The following WASF2 variants were observed in gnomAD, a reference collection of about 807,000 sequenced individuals.
WASF2 encodes WASP family member 2, also known as actin-binding protein WASF2.
WASF2 carries 14 observed loss-of-function variants against 45.0 expected under a neutral mutation model. The observed-to-expected ratio is 0.31, with a 90% CI of 0.21 to 0.49. The LOEUF (loss-of-function observed/expected upper bound fraction) is 0.49. WASF2 is among the 20% of genes least tolerant of loss of function. The pLI, the probability that WASF2 is intolerant of heterozygous loss-of-function variation, is 0.99. For missense variants in WASF2, 439 were observed against 636.1 expected (o/e 0.69, Z 3.33); for synonymous variants, 200 against 236.3 (o/e 0.85, Z 1.41).
At chr1:27,454,153 G>A (rs9438566) in intron 1 of WASF2, among the ~76,000 whole-genome samples, 30 of 98,682 alleles carry the variant, frequency 3.0e-4, no homozygotes, top group African/African-American at 8.2e-4. Context: ...GTGTGTGTGT[G>A]TATATATATA....
chr1:27,487,706 A>T (rs1219040790), intron 1 of WASF2, among the ~76,000 whole-genome samples: 2 of 116,408 alleles, frequency 1.7e-5, no homozygotes, highest in South Asian at 4.6e-4. Flanking sequence ...ATTTTATACA[A>T]TATATAATGT....
At chr1:27,463,809 T>A (rs545024629) in intron 1 of WASF2, among the ~76,000 whole-genome samples, 217 of 149,184 alleles carry the variant, frequency 1.5e-3, no homozygotes, top group Non-Finnish European at 2.6e-3. Flanking sequence ...TTATTATTTT[T>A]TTTTTTTTTT....
rs2016749566 is a variant in WASF2, at chr1:27,410,590, C to T, written c.825-384G>A. On this transcript the variant is annotated intron_variant, in intron 7 of 8. Transcript: ENST00000618852. The surrounding 1 kb of genome is among the most constrained non-coding windows in gnomAD (Gnocchi z 4.2). The stretch of plus-strand genomic sequence containing the variant: ...GTCCATGGCAGTTGCTAGTTTAATC[C>T]TGGAGCCAGTTTAAGGGTGCATGCA... Among the ~76,000 whole-genome samples, 1 of 152,164 alleles carries T rather than the reference C, an allele frequency of 6.6e-6. No individual in the cohort carries two copies. Among genetic ancestry groups the T allele is most frequent in the Admixed American group, 6.6e-5 (1 of 15,264 alleles).
chr1:27,439,047 C>T (rs4970522), intron 1 of WASF2, among the ~76,000 whole-genome samples: 6,340 of 152,192 alleles, frequency 0.042, 828 homozygotes, highest in Admixed American at 0.25. Flanking sequence ...CAGGAAGTTG[C>T]CAAAGCCCTA....
At chr1:27,419,186 A>G in intron 2 of WASF2, 98 bp from the exon 3 acceptor site, 1 of 1,320,244 alleles carries the variant, frequency 7.6e-7, no homozygotes, top group Admixed American at 1.8e-5. Flanking sequence ...ACCCCCAAAC[A>G]CATACATATA....
chr1:27,486,635 A>C (rs2017929577), intron 1 of WASF2, among the ~76,000 whole-genome samples: 1 of 152,082 alleles, frequency 6.6e-6, no homozygotes, highest in African/African-American at 2.4e-5. Flanking sequence ...AATATAGCTA[A>C]AGACTCAGCT....
chr1:27,425,773 A>G (rs2016971030), intron 2 of WASF2, among the ~76,000 whole-genome samples: 1 of 138,014 alleles, frequency 7.2e-6, no homozygotes. Flanking sequence ...TGTGAGGCAG[A>G]GCTTGCAGTG....
chr1:27,475,935 C>A (rs572006729), intron 1 of WASF2, among the ~76,000 whole-genome samples: 1 of 152,276 alleles, frequency 6.6e-6, no homozygotes, highest in South Asian at 2.1e-4. Context: ...GCCACTACAC[C>A]CAGCCTTATT....
In WASF2 at chr1:27,460,321, T is replaced by A. The variant is rs1207656044; in HGVS notation, c.-44+29665A>T. Among the ~76,000 whole-genome samples, 35 of 152,130 alleles carry A rather than the reference T, an allele frequency of 2.3e-4. 1 individual carries two copies. Among genetic ancestry groups the A allele is most frequent in the Admixed American group, 2.3e-3 (35 of 15,258 alleles). ...GACAAAGAATATTTCCTGAGTGGTCTGGAGGGAAGTAAAAGAATTAGCAAA... is the reference window on the plus strand; with the variant it reads ...GACAAAGAATATTTCCTGAGTGGTCAGGAGGGAAGTAAAAGAATTAGCAAA... On this transcript the variant is annotated intron_variant, in intron 1 of 8. Coordinates refer to ENST00000618852, the MANE Select transcript of WASF2 (RefSeq NM_006990.5).
At chr1:27,452,881 T>C (rs1389673693) in intron 1 of WASF2, among the ~76,000 whole-genome samples, 2 of 150,706 alleles carry the variant, frequency 1.3e-5, no homozygotes, top group Non-Finnish European at 3.0e-5. Context: ...AGACTCATGA[T>C]ATAGCAAATG....
chr1:27,469,757 C>T (rs573600560), intron 1 of WASF2, among the ~76,000 whole-genome samples: 2 of 152,236 alleles, frequency 1.3e-5, no homozygotes, highest in East Asian at 3.9e-4. Context: ...GCCTGGCCAA[C>T]ATGGTGAAAC....
intron 1 of WASF2, among the ~76,000 whole-genome samples, chr1:27,473,581 T>C (rs777465954): frequency 6.6e-6 from 1 of 151,932 alleles, no homozygotes; most frequent in African/African-American, 2.4e-5. Flanking sequence ...AACTCATCAA[T>C]AGATTCTTGG....
intron 1 of WASF2, among the ~76,000 whole-genome samples, chr1:27,447,724 A>T (rs1557609529): frequency 6.6e-6 from 1 of 152,254 alleles, no homozygotes; most frequent in Non-Finnish European, 1.5e-5. Flanking sequence ...CTCCAGAAGG[A>T]CAGCACCATT....
At chr1:27,460,996 A>G (rs2017536456) in intron 1 of WASF2, among the ~76,000 whole-genome samples, 3 of 151,960 alleles carry the variant, frequency 2.0e-5, no homozygotes, top group Middle Eastern at 3.4e-3. Context: ...TATACAAAAA[A>G]TTATCTGGGG....
At chr1:27,460,791 G>C (rs1157839498) in intron 1 of WASF2, among the ~76,000 whole-genome samples, 1 of 152,104 alleles carries the variant, frequency 6.6e-6, no homozygotes, top group Non-Finnish European at 1.5e-5. Flanking sequence ...GAAACCAAAT[G>C]ACCTGGGTTC....
At chr1:27,482,563 T>C (rs2017866117) in intron 1 of WASF2, among the ~76,000 whole-genome samples, 1 of 152,220 alleles carries the variant, frequency 6.6e-6, no homozygotes, top group Non-Finnish European at 1.5e-5. Flanking sequence ...AGTCCAGTAG[T>C]TCTTTACTCT....
At chr1:27,458,269 C>T (rs1024099248) in intron 1 of WASF2, among the ~76,000 whole-genome samples, 2 of 131,284 alleles carry the variant, frequency 1.5e-5, no homozygotes, top group African/African-American at 2.8e-5. Flanking sequence ...GCCAAGATCG[C>T]GTCACTGCCC....
intron 1 of WASF2, among the ~76,000 whole-genome samples, chr1:27,436,794 G>C (rs1378235267): frequency 2.0e-5 from 3 of 152,206 alleles, no homozygotes; most frequent in Non-Finnish European, 4.4e-5. Flanking sequence ...CTAAAACAAT[G>C]TCCAAAGGAG....
At chr1:27,424,010 T>C (rs557440305) in intron 2 of WASF2, among the ~76,000 whole-genome samples, 39 of 152,342 alleles carry the variant, frequency 2.6e-4, no homozygotes, top group Admixed American at 7.2e-4. Context: ...GCTGTGCCTG[T>C]ATTTCCTAAG....
Sources: gnomAD v4.1 joint callset for allele counts (sites outside exome capture counted in the v4.1 genomes callset) on GRCh38, gnomAD v4.1.1 for gene constraint, Gnocchi (gnomAD v3.1) non-coding constraint, MANE v1.5 for transcripts, NCBI Gene and HGNC (gene_info 2026-07-23, HGNC 2026-07-21) for gene names.